Variants in TENT4A observed in about 807,000 individuals in gnomAD.
TENT4A encodes DNA polymerase kappa.
TENT4A carries 7 observed loss-of-function variants against 72.8 expected under a neutral mutation model. The observed-to-expected ratio is 0.10, with a 90% confidence interval of 0.05 to 0.18. TENT4A has a LOEUF of 0.18. Ranked by LOEUF, TENT4A falls within the 10% of genes least tolerant of loss-of-function variation. The pLI is 1.00. For missense variants in TENT4A, 831 were observed against 1,017.7 expected, an observed-to-expected ratio of 0.82 and a Z score of 2.50; for synonymous variants, 456 against 434.3, an observed-to-expected ratio of 1.05 and a Z score of -0.62.
chr5:6,716,803 G>A (rs563049188), intron 1 of TENT4A, among the ~76,000 whole-genome samples: 1 of 152,364 alleles, frequency 6.6e-6, no homozygotes, highest in East Asian at 1.9e-4. Context: ...CCCACCAGGA[G>A]GTCTGGTTTG....
At chr5:6,729,665 C>T (rs777625453) in intron 1 of TENT4A, among the ~76,000 whole-genome samples, 1 of 152,226 alleles carries the variant, frequency 6.6e-6, no homozygotes, top group Non-Finnish European at 1.5e-5. Flanking sequence ...TCAGGAAGTG[C>T]CTTCTTGGCC....
At chr5:6,737,812 C>T (rs1741582291) in intron 2 of TENT4A, among the ~76,000 whole-genome samples, 179 bp downstream of exon 2, 1 of 152,154 alleles carries the variant, frequency 6.6e-6, no homozygotes, top group African/African-American at 2.4e-5. Context: ...CCCCGGCGCA[C>T]CTGCACCTGC....
At chr5:6,731,535 G>T (rs1307686417) in intron 1 of TENT4A, among the ~76,000 whole-genome samples, 1 of 150,012 alleles carries the variant, frequency 6.7e-6, no homozygotes, top group East Asian at 2.0e-4. Context: ...GGTTTAAGGT[G>T]CTGAAACTTT....
chr5:6,723,301 G>GT (rs1422117444), intron 1 of TENT4A, among the ~76,000 whole-genome samples: 2 of 133,060 alleles, frequency 1.5e-5, no homozygotes, highest in East Asian at 4.1e-4. Context: ...CAGCATGCAG[G>GT]TGATAGGTCT....
At chr5:6,754,606 G>C in intron 12 of TENT4A, 145 bp from the exon 13 acceptor site, 1 of 486,076 alleles carries the variant, frequency 2.1e-6, no homozygotes. Flanking sequence ...CTCTCAGATG[G>C]AGGAGTTGGG....
rs1740259645 is a variant in TENT4A, at chr5:6,714,516, C to T, written c.533C>T (p.Pro178Leu). 6 of 1,191,160 alleles carry T rather than the reference C, an allele frequency of 5.0e-6. No homozygotes were observed. Among genetic ancestry groups the T allele is most frequent in the Non-Finnish European group, 6.2e-6 (6 of 961,764 alleles). The allele number at this position is 1,191,160 out of a possible 1,614,324, so 73.8% of individuals were successfully genotyped here. The change falls in exon 1 of 13, where the codon CCG becomes CTG. Residue 178 changes from proline (P) to leucine (L), a missense_variant. By Grantham distance (98) the Pro-to-Leu change is moderately conservative (BLOSUM62 -3). Coordinates refer to ENST00000230859, the MANE Select transcript of TENT4A (RefSeq NM_006999.6). ...CGCGGCCCCGCGCCCGCCGGCTCCCCGTCGCAGCACCAGTTCCACCCGGGT... is the reference window on the plus strand; with the variant it reads ...CGCGGCCCCGCGCCCGCCGGCTCCCTGTCGCAGCACCAGTTCCACCCGGGT... The part of the protein sequence containing the change: ...GPRGPAPAGS[P>L]SQHQFHPGRR...
At chr5:6,723,379 T>C (rs922818617) in intron 1 of TENT4A, among the ~76,000 whole-genome samples, 1 of 122,172 alleles carries the variant, frequency 8.2e-6, no homozygotes, top group African/African-American at 3.3e-5. Context: ...GTCTTCCTGG[T>C]CACGAGCACC....
chr5:6,754,004 G>A (rs76550787), intron 12 of TENT4A, among the ~76,000 whole-genome samples: 265 of 152,280 alleles, frequency 1.7e-3, no homozygotes, highest in African/African-American at 5.6e-3. Context: ...GCTTGGCCGC[G>A]ACTTTGCAGT....
intron 4 of TENT4A, among the ~76,000 whole-genome samples, chr5:6,741,867 G>T (rs1353152535): frequency 6.6e-6 from 1 of 152,206 alleles, no homozygotes; most frequent in East Asian, 1.9e-4. Flanking sequence ...TCTTCTGGAA[G>T]AATTCAGTTT....
rs1191772366 is a variant in TENT4A at position 6,749,604 on chromosome 5, G to A, written c.1634G>A (p.Arg545Gln). 3.1e-6 allele frequency: 5 copies of A among 1,613,822 alleles called. No individual in the cohort carries two copies. Among genetic ancestry groups the A allele is most frequent in the South Asian group, 1.1e-5 (1 of 91,082 alleles). ...IKVTQEVIDY[R>Q]RWIKEKWGSK... ...GTAACTCAGGAGGTGATTGACTACC[G>A]GAGGTGGATCAAAGAGAAGTGGGGC... The change falls in exon 9 of 13, where the codon CGG becomes CAG. Residue 545 changes from arginine to glutamine, a missense_variant. Coordinates refer to ENST00000230859, the MANE Select transcript of TENT4A (RefSeq NM_006999.6).
At chr5:6,752,443 G>A (rs1321383821) in intron 11 of TENT4A, among the ~76,000 whole-genome samples, 1 of 152,260 alleles carries the variant, frequency 6.6e-6, no homozygotes, top group Non-Finnish European at 1.5e-5. Context: ...TGCTGACATA[G>A]AAGCAGCCTG....
intron 12 of TENT4A, among the ~76,000 whole-genome samples, chr5:6,753,455 C>T (rs536953851): frequency 1.3e-5 from 2 of 152,374 alleles, no homozygotes; most frequent in South Asian, 2.1e-4. Flanking sequence ...CTGATCCCCG[C>T]CTGGGGCAGG....
At chr5:6,729,679 CCTT>C (rs1741109024) in intron 1 of TENT4A, among the ~76,000 whole-genome samples, 1 of 152,202 alleles carries the variant, frequency 6.6e-6, no homozygotes, top group Non-Finnish European at 1.5e-5. Flanking sequence ...CTTGGCCTCT[CCTT>C]AATCTCTTTC....
intron 7 of TENT4A, 24 bp downstream of exon 7, chr5:6,746,451 G>A (rs1742100677): frequency 6.2e-7 from 1 of 1,610,592 alleles, no homozygotes; most frequent in South Asian, 1.1e-5. Flanking sequence ...GATCTCCACT[G>A]CTGAGAGCTG....
chr5:6,754,344 T>A (rs1161433464), intron 12 of TENT4A, among the ~76,000 whole-genome samples: 1 of 152,150 alleles, frequency 6.6e-6, no homozygotes, highest in African/African-American at 2.4e-5. Context: ...AATTTTTGTA[T>A]TTTTAGTAGA....
At chr5:6,728,277 T>C (rs1292938940) in intron 1 of TENT4A, among the ~76,000 whole-genome samples, 2 of 152,226 alleles carry the variant, frequency 1.3e-5, no homozygotes, top group Non-Finnish European at 2.9e-5. Flanking sequence ...GAATGTCAGC[T>C]AATGAGTATT....
chr5:6,754,835 G>T lies in TENT4A; in HGVS notation c.2269G>T (p.Val757Leu). The change falls in exon 13 of 13, where the codon GTG becomes TTG. Residue 757 changes from valine (V) to leucine (L), a missense_variant. Around this residue, in one of 3 missense-constraint regions of TENT4A, gnomAD observed 332 missense variants for 324.3 expected, o/e 1.02. Coordinates refer to ENST00000230859, the MANE Select transcript of TENT4A (RefSeq NM_006999.6). ...GGYSSVGSGG[V>L]RPPVGNRGHH... is the part of the protein sequence containing the mutation. ...CTACAGCTCTGTGGGTAGCGGAGGT[G>T]TGCGGCCCCCTGTGGGCAACAGGGG... 1 of 1,610,118 alleles carries T rather than the reference G, an allele frequency of 6.2e-7. No individual in the cohort carries two copies. The highest frequency in any genetic ancestry group is 8.5e-7 in the Non-Finnish European group (1 of 1,177,214).
intron 1 of TENT4A, among the ~76,000 whole-genome samples, chr5:6,731,789 G>C (rs1741227227): frequency 6.6e-6 from 1 of 152,130 alleles, no homozygotes; most frequent in African/African-American, 2.4e-5. Context: ...AGTGAAATCT[G>C]ACCTTTGACC....
intron 1 of TENT4A, among the ~76,000 whole-genome samples, chr5:6,729,074 G>A (rs1220630339): frequency 6.6e-6 from 1 of 152,162 alleles, no homozygotes. Context: ...AATAATTGGA[G>A]TTATATTTAC....
Sources: allele counts gnomAD v4.1 joint callset (sites outside exome capture counted in the v4.1 genomes callset), GRCh38; gene constraint gnomAD v4.1.1; regional missense constraint gnomAD v4.1.1; transcripts MANE v1.5; gene names NCBI Gene and HGNC (gene_info 2026-07-23, HGNC 2026-07-21).